The following MBTD1 variants were observed in gnomAD, a reference collection of about 807,000 sequenced individuals.
MBTD1 encodes the protein MBT domain-containing protein 1.
A neutral mutation model predicts 87.8 loss-of-function variants in MBTD1; 24 were observed. The ratio of observed to expected loss-of-function variants is 0.27; its 90% CI spans 0.20 to 0.38. The LOEUF (loss-of-function observed/expected upper bound fraction) is 0.38. Among genes scored for constraint, MBTD1 ranks in the 10% least tolerant of loss-of-function variants. The pLI is 1.00. For missense variants in MBTD1, 436 were observed against 760.2 expected, an observed-to-expected ratio of 0.57 and a Z score of 5.02; for synonymous variants, 237 against 248.6, an observed-to-expected ratio of 0.95 and a Z score of 0.44.
chr17:51,255,753 A>C (rs2055051990), intron 2 of MBTD1, among the ~76,000 whole-genome samples: 1 of 151,908 alleles, frequency 6.6e-6, no homozygotes, highest in African/African-American at 2.4e-5. Context: ...GTGTGCCACC[A>C]CACCTAATTT....
intron 16 of MBTD1, chr17:51,184,475 T>G (rs1159485660): frequency 6.6e-6 from 1 of 152,252 alleles, no homozygotes; most frequent in Non-Finnish European, 1.5e-5. Flanking sequence ...GGTAGCAATG[T>G]AGTCCCTACT....
chr17:51,212,125 C>T (rs753301122), intron 6 of MBTD1, among the ~76,000 whole-genome samples: 19 of 151,958 alleles, frequency 1.3e-4, no homozygotes, highest in African/African-American at 1.2e-4. Flanking sequence ...TTTGGGAGGC[C>T]GAGGTGGACA....
At chr17:51,260,456 T>C (rs1343056893), upstream of MBTD1, 4 of 1,008,262 alleles carry the variant, frequency 4.0e-6, no homozygotes, top group Non-Finnish European at 5.7e-6. Context: ...GGAGTGCTGG[T>C]CACGTGGCAA....
intron 10 of MBTD1, 23 bp downstream of exon 10, chr17:51,202,678 G>C: frequency 1.3e-6 from 2 of 1,545,140 alleles, no homozygotes; most frequent in Non-Finnish European, 1.8e-6. Context: ...CTTTTGACAG[G>C]AGTTCTTGTG....
intron 16 of MBTD1, chr17:51,183,907 C>A (rs976989492): frequency 4.6e-5 from 7 of 152,072 alleles, no homozygotes; most frequent in Non-Finnish European, 1.0e-4. Context: ...GACTGGATGG[C>A]TAAATGAATG....
intron 14 of MBTD1, 144 bp from the exon 15 acceptor site, chr17:51,193,160 T>A: frequency 1.5e-6 from 1 of 656,908 alleles, no homozygotes; most frequent in Non-Finnish European, 2.6e-6. Flanking sequence ...TTTAACTATT[T>A]AAACATAGTA....
At chr17:51,258,559 G>A (rs2055230367) in intron 2 of MBTD1, among the ~76,000 whole-genome samples, 1 of 150,982 alleles carries the variant, frequency 6.6e-6, no homozygotes, top group Non-Finnish European at 1.5e-5. Context: ...TTGGAGGAAA[G>A]ACTAGCTTCC....
intron 1 of MBTD1, 135 bp downstream of exon 1, chr17:51,259,700 C>G: frequency 8.8e-6 from 7 of 791,962 alleles, no homozygotes; most frequent in Non-Finnish European, 1.2e-5. Flanking sequence ...AGGGGGGCTC[C>G]GGAGGTTGAG....
At chr17:51,222,971 T>A (rs2143666266) in intron 3 of MBTD1, among the ~76,000 whole-genome samples, 1 of 151,872 alleles carries the variant, frequency 6.6e-6, no homozygotes, top group Middle Eastern at 3.4e-3. Context: ...CAGCTAATTT[T>A]TTTCAATTTT....
chr17:51,251,957 G>A (rs938800492), intron 2 of MBTD1, among the ~76,000 whole-genome samples: 4 of 152,112 alleles, frequency 2.6e-5, no homozygotes, highest in Non-Finnish European at 5.9e-5. Flanking sequence ...TAGAGACAGG[G>A]TTTCGCCATG....
chr17:51,251,029 A>G (rs1478120805), intron 2 of MBTD1: 1 of 151,918 alleles, frequency 6.6e-6, no homozygotes, highest in Non-Finnish European at 1.5e-5. Context: ...TGTTCTTTGT[A>G]TTTGTTTCAG....
At chr17:51,221,580 G>A (rs2052892469) in intron 3 of MBTD1, among the ~76,000 whole-genome samples, 1 of 152,188 alleles carries the variant, frequency 6.6e-6, no homozygotes, top group African/African-American at 2.4e-5. Context: ...GGTTGGCTCT[G>A]TGCTTCCATG....
At chr17:51,215,354 C>A (rs2052505034) in intron 6 of MBTD1, among the ~76,000 whole-genome samples, 1 of 152,030 alleles carries the variant, frequency 6.6e-6, no homozygotes, top group Non-Finnish European at 1.5e-5. Context: ...TATAACAATT[C>A]AAAGATTTGG....
upstream of MBTD1, chr17:51,260,080 G>T: frequency 2.6e-6 from 1 of 385,712 alleles, no homozygotes; most frequent in Non-Finnish European, 4.6e-6. Context: ...GCGCGCCTGC[G>T]CCGTGACCCG....
Position 51,179,484 on chromosome 17 carries a change from TTATATATATA to T in MBTD1, c.*1082_*1091del, listed in dbSNP as rs56750454. 0.041 allele frequency: 1,437 copies of T among 34,914 alleles called. 38 individuals carry two copies. Among genetic ancestry groups the T allele is most frequent in the East Asian group, 0.082 (87 of 1,058 alleles). 2.2% of individuals were successfully genotyped at this position (34,914 alleles called of 1,614,324 possible). On this transcript the variant is annotated 3_prime_UTR_variant, in exon 17 of 17. Coordinates refer to ENST00000586178, the MANE Select transcript of MBTD1 (RefSeq NM_017643.3). Reference sequence around the variant, plus strand: ...ATCCTGAATACAATTAAAGACAATTTTATATATATATATATATATATATATATATATATAT... The same window carrying T: ...ATCCTGAATACAATTAAAGACAATTTTATATATATATATATATATATATAT...
At chr17:51,255,245 C>G (rs555180001) in intron 2 of MBTD1, among the ~76,000 whole-genome samples, 1 of 151,912 alleles carries the variant, frequency 6.6e-6, no homozygotes, top group South Asian at 2.1e-4. Flanking sequence ...CATGCCACTG[C>G]ACTCCAGCCT....
chr17:51,217,244 T>TA, intron 6 of MBTD1, 90 bp downstream of exon 6: 1 of 675,640 alleles, frequency 1.5e-6, no homozygotes, highest in South Asian at 2.1e-5. Context: ...ACAAACACCT[T>TA]CTAAGGATAA....
chr17:51,240,968 T>G (rs1038939279), intron 2 of MBTD1, among the ~76,000 whole-genome samples: 1 of 152,076 alleles, frequency 6.6e-6, no homozygotes, highest in Non-Finnish European at 1.5e-5. Context: ...CCACCCCTTA[T>G]TGGTGATGTT....
intron 6 of MBTD1, among the ~76,000 whole-genome samples, chr17:51,210,819 A>AT (rs1253532586): frequency 2.6e-5 from 4 of 151,244 alleles, no homozygotes; most frequent in African/African-American, 4.9e-5. Flanking sequence ...ACAGTCCATA[A>AT]TTTTTTTTAA....
Sources: allele counts gnomAD v4.1 joint callset (sites outside exome capture counted in the v4.1 genomes callset), GRCh38; gene constraint gnomAD v4.1.1; transcripts MANE v1.5; gene names NCBI Gene and HGNC (gene_info 2026-07-23, HGNC 2026-07-21).